SHB: variants seen among roughly 807,000 people sequenced by gnomAD.
The protein encoded by SHB is SH2 domain-containing adapter protein B.
Under a neutral mutation model 52.3 loss-of-function variants are expected in SHB, and 20 were observed. The ratio of observed to expected loss-of-function variants is 0.38; its 90% CI spans 0.27 to 0.56. The LOEUF is 0.56. SHB is among the 20% of genes least tolerant of loss of function. The pLI is 0.71. For missense variants in SHB, 825 were observed against 723.3 expected, an observed-to-expected ratio of 1.14 and a Z score of -1.61; for synonymous variants, 397 against 316.5, an observed-to-expected ratio of 1.25 and a Z score of -2.70.
At chr9:37,923,918 C>A (rs889502174) in intron 5 of SHB, among the ~76,000 whole-genome samples, 1 of 152,198 alleles carries the variant, frequency 6.6e-6, no homozygotes, top group Non-Finnish European at 1.5e-5. Context: ...AGCCGGGCTC[C>A]GAGCCACATC....
rs553621293 is a variant in SHB, at chr9:38,016,524, A to C, written c.718-393T>G. ...GAAAAGTTGGAAACGAGATCACAGA[A>C]AGCCTAGAAATGCTGACATGCTCCT... is the stretch of plus-strand genomic sequence containing the variant. On this transcript the variant is annotated intron_variant, in intron 1 of 5. Coordinates refer to ENST00000377707, the MANE Select transcript of SHB (RefSeq NM_003028.3). Among the ~76,000 whole-genome samples the C allele has an allele frequency of 1.8e-4, 27 of 152,348 alleles. No homozygotes were observed. In the South Asian group the frequency reaches 4.1e-3, roughly 23 times the overall value.
chr9:37,917,602 G>A lies in SHB; in HGVS notation c.*2219C>T, dbSNP rs1037277422. ...CCTCAGCCTCTCTTGGGCCTCCTCTGAGAATAAGCCTTGGGGTCCAGGCTC... is the reference window on the plus strand; with the variant it reads ...CCTCAGCCTCTCTTGGGCCTCCTCTAAGAATAAGCCTTGGGGTCCAGGCTC... On this transcript the variant is annotated 3_prime_UTR_variant, in exon 6 of 6. Transcript: ENST00000377707. 2.0e-5 allele frequency among the ~76,000 whole-genome samples: 3 copies of A among 152,202 alleles called. No homozygotes were observed. Among genetic ancestry groups the A allele is most frequent in the Admixed American group, 6.5e-5 (1 of 15,290 alleles).
intron 3 of SHB, among the ~76,000 whole-genome samples, chr9:37,956,712 G>C (rs1427838640): frequency 1.3e-5 from 2 of 152,194 alleles, no homozygotes; most frequent in African/African-American, 4.8e-5. Context: ...CTCCTTGAGG[G>C]AGACCCTGGA....
intron 2 of SHB, among the ~76,000 whole-genome samples, chr9:38,009,695 C>T (rs1002585390): frequency 2.6e-5 from 4 of 152,192 alleles, no homozygotes; most frequent in Non-Finnish European, 4.4e-5. Context: ...CAAAAAAAAT[C>T]CCCTCTTGCC....
chr9:37,940,063 C>T (rs1419737513), intron 5 of SHB, among the ~76,000 whole-genome samples: 1 of 152,274 alleles, frequency 6.6e-6, no homozygotes, highest in Middle Eastern at 3.4e-3. Context: ...GGGTGCAAAT[C>T]ATGGTGACTA....
intron 1 of SHB, among the ~76,000 whole-genome samples, chr9:38,018,688 A>G (rs1821247559): frequency 1.3e-5 from 2 of 152,182 alleles, no homozygotes; most frequent in African/African-American, 4.8e-5. Flanking sequence ...TCTTTTGCAA[A>G]ATGATGTCCT....
chr9:38,053,554 A>G (rs578255894), intron 1 of SHB, among the ~76,000 whole-genome samples: 12 of 152,152 alleles, frequency 7.9e-5, no homozygotes, highest in Non-Finnish European at 1.6e-4. Context: ...GACTCTTAAT[A>G]GAACTTGCCT....
Position 38,068,298 on chromosome 9 carries a change from G to A in SHB, c.348C>T (p.Gly116=). The change falls in exon 1 of 6, where the codon GGC becomes GGT. Residue 116 remains glycine (G), a synonymous_variant. Transcript: ENST00000377707. ...LRAMCRLDYC[G]GSGEPGGVQR... is the part of the protein sequence containing the mutation. ...GGACCCCGCCTGGCTCCCCGCTGCC[G>A]CCGCAGTAGTCCAGGCGGCACATGG... The A allele has an allele frequency of 1.3e-6, 2 of 1,489,690 alleles. No homozygotes were observed. Among genetic ancestry groups the A allele is most frequent in the Non-Finnish European group, 1.8e-6 (2 of 1,125,038 alleles). 92.3% of individuals were successfully genotyped at this position (1,489,690 alleles called of 1,614,324 possible).
chr9:38,028,621 G>C (rs774701023), intron 1 of SHB, among the ~76,000 whole-genome samples: 1 of 152,304 alleles, frequency 6.6e-6, no homozygotes. Flanking sequence ...CCTCTAACCC[G>C]GCAAGGCCAG....
At chr9:37,982,489 T>A (rs1820744942) in intron 2 of SHB, among the ~76,000 whole-genome samples, 1 of 151,268 alleles carries the variant, frequency 6.6e-6, no homozygotes, top group South Asian at 2.1e-4. Context: ...CAAAACTCCG[T>A]CTCAAAAAAA....
At chr9:38,037,490 A>C (rs1416455954) in intron 1 of SHB, among the ~76,000 whole-genome samples, 4 of 152,200 alleles carry the variant, frequency 2.6e-5, no homozygotes, top group Non-Finnish European at 4.4e-5. Flanking sequence ...TGCTCGGCAC[A>C]TGAGAACATG....
chr9:38,012,815 GCTCACATACACATA>G (rs1821158008), intron 2 of SHB, among the ~76,000 whole-genome samples: 1 of 148,568 alleles, frequency 6.7e-6, no homozygotes. Context: ...CAAGTTACAC[GCTCACATACACATA>G]AAATGTAATA....
chr9:37,992,693 C>T (rs545908190), intron 2 of SHB, among the ~76,000 whole-genome samples: 9 of 152,270 alleles, frequency 5.9e-5, no homozygotes, highest in Admixed American at 3.3e-4. Flanking sequence ...GGATTCTCAC[C>T]GGTGGCCTGC....
chr9:37,989,206 T>C (rs1433596602), intron 2 of SHB, among the ~76,000 whole-genome samples: 1 of 151,504 alleles, frequency 6.6e-6, no homozygotes, highest in Non-Finnish European at 1.5e-5. Flanking sequence ...TAGCTGCTTG[T>C]CTGTTTCTCT....
At chr9:38,037,061 G>A (rs990636535) in intron 1 of SHB, among the ~76,000 whole-genome samples, 2 of 152,218 alleles carry the variant, frequency 1.3e-5, no homozygotes, top group African/African-American at 4.8e-5. Flanking sequence ...CCGCAGCACG[G>A]GAGCTGGGGT....
intron 5 of SHB, 136 bp from the exon 6 acceptor site, chr9:37,920,140 C>CGAG: frequency 1.5e-6 from 1 of 676,402 alleles, no homozygotes; most frequent in South Asian, 1.8e-5. Context: ...AAGCCAGGAC[C>CGAG]GAGGCCCAGG....
chr9:37,948,773 G>A lies in SHB; in HGVS notation c.1227-19C>T. 8 of 1,613,370 alleles carry A rather than the reference G, an allele frequency of 5.0e-6. No individual in the cohort carries two copies. The highest frequency in any genetic ancestry group is 1.1e-5 in the South Asian group (1 of 91,086). Reference sequence around the variant, plus strand: ...ATACCATCTGTGGAGAGGGCAGAGAGTGGTCAGAGCCCAGCGCGATGGGAT... The same window carrying A: ...ATACCATCTGTGGAGAGGGCAGAGAATGGTCAGAGCCCAGCGCGATGGGAT... On this transcript the variant is annotated intron_variant, in intron 4 of 5. Coordinates refer to ENST00000377707, the MANE Select transcript of SHB (RefSeq NM_003028.3).
intron 5 of SHB, among the ~76,000 whole-genome samples, chr9:37,945,502 C>T (rs1832481533): frequency 6.6e-6 from 1 of 152,230 alleles, no homozygotes; most frequent in Admixed American, 6.5e-5. Context: ...CCCAGCCCAC[C>T]TCCCCAATTC....
At chr9:37,994,019 C>A (rs967892403) in intron 2 of SHB, among the ~76,000 whole-genome samples, 3 of 152,228 alleles carry the variant, frequency 2.0e-5, no homozygotes, top group African/African-American at 4.8e-5. Context: ...CCAGACAGCA[C>A]CCCGTCTCCT....
Sources: gnomAD v4.1 joint callset for allele counts (sites outside exome capture counted in the v4.1 genomes callset) on GRCh38, gnomAD v4.1.1 for gene constraint, MANE v1.5 for transcripts, NCBI Gene and HGNC (gene_info 2026-07-23, HGNC 2026-07-21) for gene names.